The following MATN2 variants were observed in gnomAD, a reference collection of about 807,000 sequenced individuals.
MATN2 encodes the protein matrilin-2.
A neutral mutation model predicts 103.2 loss-of-function variants in MATN2; 69 were observed. The observed-to-expected ratio is 0.67, with a 90% CI of 0.55 to 0.82. The LOEUF (loss-of-function observed/expected upper bound fraction) is 0.82, where lower values mean the gene tolerates loss of function less well. Among genes scored for constraint, MATN2 ranks in the 40% least tolerant of loss-of-function variants. MATN2 has a pLI of 0.00. For missense variants in MATN2, 1,023 were observed against 1,211.5 expected (o/e 0.84, Z 2.31); for synonymous variants, 429 against 450.2 (o/e 0.95, Z 0.60).
chr8:97,880,131 T>G (rs1330063273), intron 1 of MATN2, among the ~76,000 whole-genome samples: 2 of 150,074 alleles, frequency 1.3e-5, no homozygotes, highest in African/African-American at 4.9e-5. Flanking sequence ...TCACCCAGGC[T>G]GCAGTGCAGT....
In MATN2 at chr8:98,032,290, C is replaced by T; in HGVS notation, c.2554C>T (p.Leu852=). 3 of 1,611,898 alleles carry T rather than the reference C, an allele frequency of 1.9e-6. No homozygotes were observed. Among genetic ancestry groups the T allele is most frequent in the Non-Finnish European group, 2.5e-6 (3 of 1,178,928 alleles). The change falls in exon 16 of 19, where the codon CTG becomes TTG. Residue 852 remains leucine, a synonymous_variant. Coordinates refer to ENST00000254898, the MANE Select transcript of MATN2 (RefSeq NM_002380.5). ...DGRQDSPAGE[L]PKTVQQPTES... Reference sequence around the variant, plus strand: ...AAGACAGGACTCTCCAGCAGGGGAACTGCCAAAAACGGTCCAACAGCCAAC... The same window carrying T: ...AAGACAGGACTCTCCAGCAGGGGAATTGCCAAAAACGGTCCAACAGCCAAC...
intron 7 of MATN2, among the ~76,000 whole-genome samples, chr8:98,002,927 TC>T (rs1181419865): frequency 6.6e-6 from 1 of 152,062 alleles, no homozygotes; most frequent in Non-Finnish European, 1.5e-5. Flanking sequence ...CACTGATCCA[TC>T]CTGGGGCTTG....
chr8:97,904,969 A>T (rs924527415), intron 2 of MATN2, among the ~76,000 whole-genome samples: 7 of 152,214 alleles, frequency 4.6e-5, no homozygotes, highest in African/African-American at 1.7e-4. Context: ...CCAGAGTAGT[A>T]GCAGTACTGT....
intron 6 of MATN2, among the ~76,000 whole-genome samples, chr8:97,989,245 G>A (rs559592795): frequency 2.0e-5 from 3 of 152,242 alleles, no homozygotes; most frequent in Non-Finnish European, 4.4e-5. Context: ...CGAGGCGGGC[G>A]GATCATGAGG....
chr8:97,944,122 CGGA>C (rs1424128902), intron 4 of MATN2, among the ~76,000 whole-genome samples: 1 of 152,132 alleles, frequency 6.6e-6, no homozygotes, highest in East Asian at 1.9e-4. Context: ...GAGGTCCAGG[CGGA>C]GGAGGGCTAG....
At chr8:97,940,788 A>T (rs1810525377) in intron 3 of MATN2, among the ~76,000 whole-genome samples, 1 of 152,204 alleles carries the variant, frequency 6.6e-6, no homozygotes, top group African/African-American at 2.4e-5. Flanking sequence ...TTAGGACATT[A>T]AAAAAAGAGA....
At chr8:98,027,927 G>A (rs1372716098) in intron 14 of MATN2, 98 bp downstream of exon 14, 59 of 1,307,368 alleles carry the variant, frequency 4.5e-5, no homozygotes, top group Non-Finnish European at 5.6e-5. Context: ...GCTTCTTTGA[G>A]TGTACAGAAA....
chr8:97,941,606 G>T (rs924034726), intron 3 of MATN2, among the ~76,000 whole-genome samples, 171 bp from the exon 4 acceptor site: 2 of 152,072 alleles, frequency 1.3e-5, no homozygotes, highest in East Asian at 3.8e-4. Flanking sequence ...CCTTTATCTG[G>T]CCCTGTCTTG....
intron 14 of MATN2, 99 bp from the exon 15 acceptor site, chr8:98,030,363 C>A: frequency 3.5e-6 from 3 of 863,762 alleles, no homozygotes; most frequent in Non-Finnish European, 5.4e-6. Flanking sequence ...CAAATCATAC[C>A]ACTTAACATC....
At chr8:97,884,376 G>T (rs1818355989) in intron 1 of MATN2, among the ~76,000 whole-genome samples, 1 of 151,656 alleles carries the variant, frequency 6.6e-6, no homozygotes, top group African/African-American at 2.4e-5. Context: ...CTGACCTCAG[G>T]TGATACACCC....
In MATN2 at chr8:98,005,974, T is replaced by A. The variant is rs1472926175; in HGVS notation, c.1328-1131T>A. On this transcript the variant is annotated intron_variant, in intron 8 of 18. Coordinates refer to ENST00000254898, the MANE Select transcript of MATN2 (RefSeq NM_002380.5). The surrounding 1 kb of genome is among the most constrained non-coding windows in gnomAD (Gnocchi z 4.6). ...TCTGGAAGGCACTGGTCCCAGACTC[T>A]GCGGGAGTCAAGAGGCCCACTTGGC... is the stretch of plus-strand genomic sequence containing the variant. Among the ~76,000 whole-genome samples, 1 of 152,252 alleles carries A rather than the reference T, an allele frequency of 6.6e-6. No homozygotes were observed. Among genetic ancestry groups the A allele is most frequent in the South Asian group, 2.1e-4 (1 of 4,834 alleles).
At chr8:97,962,956 G>A (rs533244289) in intron 5 of MATN2, among the ~76,000 whole-genome samples, 2 of 152,288 alleles carry the variant, frequency 1.3e-5, no homozygotes, top group Middle Eastern at 3.4e-3. Flanking sequence ...CCAATATGGC[G>A]AAACCCGGTC....
At chr8:97,980,558 CT>C (rs71570278) in intron 6 of MATN2, among the ~76,000 whole-genome samples, 3,419 of 93,974 alleles carry the variant, frequency 0.036, 44 homozygotes, top group African/African-American at 0.1. Flanking sequence ...TTATTCTTTC[CT>C]TTTTTTTTTT....
chr8:97,897,620 T>A (rs188402094), intron 2 of MATN2, among the ~76,000 whole-genome samples: 134 of 151,834 alleles, frequency 8.8e-4, no homozygotes, highest in African/African-American at 2.4e-3. Context: ...TGTTTTAAAA[T>A]TTTTTTTTAA....
At chr8:97,954,702 G>A (rs2512029) in intron 4 of MATN2, among the ~76,000 whole-genome samples, 152,219 of 152,322 alleles carry the variant, frequency 1, 76,059 homozygotes, top group Non-Finnish European at 1. Context: ...ACTCCGAACC[G>A]TTCCATCGTT....
At chr8:97,945,717 A>AAAATATATATATATATAT (rs59472539) in intron 4 of MATN2, among the ~76,000 whole-genome samples, 2 of 121,832 alleles carry the variant, frequency 1.6e-5, no homozygotes, top group African/African-American at 6.2e-5. Context: ...AAAAAAAAAA[A>AAAATATATATATATATAT]ATATATATAT....
intron 4 of MATN2, among the ~76,000 whole-genome samples, chr8:97,960,721 C>A (rs28522015): frequency 0.044 from 6,732 of 152,210 alleles, 503 homozygotes; most frequent in African/African-American, 0.15. Flanking sequence ...TTGTCTCATT[C>A]CTTCTTATAC....
chr8:97,913,067 C>T (rs1266925038), intron 2 of MATN2, among the ~76,000 whole-genome samples: 3 of 152,168 alleles, frequency 2.0e-5, no homozygotes, highest in Non-Finnish European at 2.9e-5. Context: ...CACCAGAACA[C>T]GAAGTCTGGC....
Position 97,925,648 on chromosome 8 carries a change from T to C in MATN2, c.143-5305T>C, listed in dbSNP as rs555221249. On this transcript the variant is annotated intron_variant, in intron 2 of 18. Transcript: ENST00000254898. ...TCTTTTGAGTCTCACAACAGTATTG[T>C]AAGGTATTATTATCCCTATTTTGCA... Among the ~76,000 whole-genome samples, 6 of 152,328 alleles carry C rather than the reference T, an allele frequency of 3.9e-5. No individual in the cohort carries two copies. The South Asian group carries it at 1.0e-3, about 26-fold the overall frequency.
Sources: gnomAD v4.1 joint callset for allele counts (sites outside exome capture counted in the v4.1 genomes callset) on GRCh38, gnomAD v4.1.1 for gene constraint, Gnocchi (gnomAD v3.1) non-coding constraint, MANE v1.5 for transcripts, NCBI Gene and HGNC (gene_info 2026-07-23, HGNC 2026-07-21) for gene names.